The following SPG7 variants were observed in gnomAD, a reference collection of about 807,000 sequenced individuals.
SPG7 encodes the protein SPG7 matrix AAA peptidase subunit, paraplegin, also known as mitochondrial inner membrane m-AAA protease component paraplegin.
SPG7 carries 103 observed loss-of-function variants against 81.9 expected under a neutral mutation model. The observed-to-expected ratio is 1.26, with a 90% CI of 1.07 to 1.48. SPG7 has a LOEUF of 1.48. Among genes scored for constraint, SPG7 ranks in the 40% most tolerant of loss-of-function variants. SPG7 has a pLI of 0.00. For synonymous variants in SPG7, 534 were observed against 444.2 expected (o/e 1.20, Z -2.54); for missense variants, 1,241 against 1,087.3 (o/e 1.14, Z -1.99).
At chr16:89,515,720 T>G (rs1431733777) in intron 3 of SPG7, among the ~76,000 whole-genome samples, 3 of 149,964 alleles carry the variant, frequency 2.0e-5, no homozygotes. Context: ...TTATTATTTT[T>G]TTTTTTGAGA....
intron 4 of SPG7, among the ~76,000 whole-genome samples, chr16:89,525,324 T>C (rs1185170475): frequency 1.3e-5 from 2 of 152,232 alleles, no homozygotes; most frequent in Non-Finnish European, 2.9e-5. Flanking sequence ...CATGGCTAAG[T>C]GCAGAAGACG....
At chr16:89,556,381 T>C (rs2058687722) in intron 16 of SPG7, 1 of 288,082 alleles carries the variant, frequency 3.5e-6, no homozygotes, top group Non-Finnish European at 6.4e-6. Flanking sequence ...TGGCAGTGTT[T>C]TCTGTGGTCT....
In SPG7 at chr16:89,554,554, G is replaced by C. The variant is rs766914135; in HGVS notation, c.2172G>C (p.Lys724Asn). 2 of 1,608,546 alleles carry C rather than the reference G, an allele frequency of 1.2e-6. No homozygotes were observed. Among genetic ancestry groups the C allele is most frequent in the Non-Finnish European group, 1.7e-6 (2 of 1,179,528 alleles). Residue 724 changes from lysine to asparagine, a missense_variant, in exon 16 of 17, where the codon AAG becomes AAC. Transcript: ENST00000645818. ...TEKVLQDNLD[K>N]LQALANALLE... ...AGGTGCTGCAGGACAACCTGGACAA[G>C]TTGCAGGCGGTGAGGCCCTGGCCAG...
At position 89,548,002 on chromosome 16, in the gene SPG7, G is replaced by A. The variant is rs1248641465; in HGVS notation, c.1553-1G>A. ...CACACCGTGGCTGTTTGTGTTGACA[G>A]GGGCTGACATCGCCAACATCTGCAA... On this transcript the variant is annotated splice_acceptor_variant, in intron 11 of 16. Transcript: ENST00000645818. LOFTEE classifies it high-confidence loss of function. 6.2e-7 allele frequency: 1 copy of A among 1,612,052 alleles called. No individual in the cohort carries two copies. The highest frequency in any genetic ancestry group is 1.1e-5 in the South Asian group (1 of 91,074).
chr16:89,537,296 G>A (rs2058438538), intron 9 of SPG7: 4 of 1,300,736 alleles, frequency 3.1e-6, no homozygotes, highest in Admixed American at 3.4e-5. Flanking sequence ...CCCCCGGGAA[G>A]GGCGCAAGTC....
chr16:89,526,602 A>G, intron 5 of SPG7, 134 bp downstream of exon 5: 1 of 924,320 alleles, frequency 1.1e-6, no homozygotes, highest in Non-Finnish European at 1.8e-6. Flanking sequence ...AGGGTTAAAT[A>G]AATATAGAAG....
rs765598622 is a variant in SPG7, at chr16:89,556,986, C to T, written c.2281C>T (p.Gln761Ter). 1.9e-6 allele frequency: 3 copies of T among 1,613,928 alleles called. No homozygotes were observed. Among genetic ancestry groups the T allele is most frequent in the Non-Finnish European group, 2.5e-6 (3 of 1,179,940 alleles). Reference sequence around the variant, plus strand: ...TGGGCCGAAGAAAATGATCGCACCGCAGAGGTGGATCGACGCCCAGAGGGA... The same window carrying T: ...TGGGCCGAAGAAAATGATCGCACCGTAGAGGTGGATCGACGCCCAGAGGGA... The part of the protein sequence containing the change: ...PHGPKKMIAP[Q>*]RWIDAQREKQ... Residue 761 changes from glutamine to a stop codon, truncating the protein, a stop_gained, in exon 17 of 17, where the codon CAG becomes TAG. Coordinates refer to ENST00000645818, the MANE Select transcript of SPG7 (RefSeq NM_003119.4). LOFTEE classifies it low-confidence loss of function (END_TRUNC).
chr16:89,535,286 T>C (rs918635484), intron 9 of SPG7, among the ~76,000 whole-genome samples: 5 of 152,162 alleles, frequency 3.3e-5, no homozygotes, highest in Non-Finnish European at 7.3e-5. Flanking sequence ...CTGGCGCCCG[T>C]CTCTTCTGGG....
rs1050875817 is a variant in SPG7, at chr16:89,508,595, C to G, written c.178C>G (p.Leu60Val). The G allele has an allele frequency of 3.4e-6, 5 of 1,473,664 alleles. No homozygotes were observed. The highest frequency in any genetic ancestry group is 4.5e-6 in the Non-Finnish European group (5 of 1,117,588). The allele number at this position is 1,473,664 out of a possible 1,614,324, so 91.3% of individuals were successfully genotyped here. ...GDLAEAGGRA[L>V]QSLQLRLLTP... ...CCTCGCCGAGGCTGGAGGCCGAGCTCTGCAGGTAAATCCCCGCGGAGTCCG... is the reference window on the plus strand; with the variant it reads ...CCTCGCCGAGGCTGGAGGCCGAGCTGTGCAGGTAAATCCCCGCGGAGTCCG... Residue 60 changes from leucine to valine, a missense_variant, in exon 1 of 17, where the codon CTG (leucine) becomes GTG (valine). Leu to Val is a conservative substitution (Grantham distance 32). Coordinates refer to ENST00000645818, the MANE Select transcript of SPG7 (RefSeq NM_003119.4).
At position 89,554,043 on chromosome 16, in the gene SPG7, G is replaced by A. The variant is rs181261307; in HGVS notation, c.2103+83G>A. The stretch of plus-strand genomic sequence containing the variant: ...GGTCTACCACACAAGGGTCGCCCAC[G>A]GCCGCCCCAGCGGAGCTCAGCTGCA... On this transcript the variant is annotated intron_variant, in intron 15 of 16. Coordinates refer to ENST00000645818, the MANE Select transcript of SPG7 (RefSeq NM_003119.4). 1.4e-4 allele frequency: 209 copies of A among 1,497,496 alleles called. No homozygotes were observed. In the East Asian group the frequency reaches 4.1e-3, roughly 29 times the overall value. The allele number at this position is 1,497,496 out of a possible 1,614,324, so 92.8% of individuals were successfully genotyped here.
intron 16 of SPG7, chr16:89,556,364 G>T: frequency 3.2e-6 from 1 of 314,588 alleles, no homozygotes; most frequent in Non-Finnish European, 5.8e-6. Flanking sequence ...CCAGTGAAAT[G>T]TGGCTGTGGC....
At chr16:89,546,092 C>CTTT (rs891752792) in intron 10 of SPG7, 47 of 248,162 alleles carry the variant, frequency 1.9e-4, no homozygotes, top group South Asian at 2.8e-4. Flanking sequence ...AGAGCGTTCT[C>CTTT]TTTTTTTTTT....
chr16:89,512,843 AT>A (rs779271038), intron 2 of SPG7, 104 bp from the exon 3 acceptor site: 22 of 1,234,024 alleles, frequency 1.8e-5, no homozygotes, highest in Non-Finnish European at 2.6e-5. Flanking sequence ...GGTTTTTCAG[AT>A]GGTTTTTGTT....
At chr16:89,534,492 C>G (rs571187972) in intron 9 of SPG7, among the ~76,000 whole-genome samples, 79 of 152,332 alleles carry the variant, frequency 5.2e-4, no homozygotes, top group Middle Eastern at 6.8e-3. Flanking sequence ...TATTTTTAAT[C>G]AGAATTCTAG....
In SPG7 at chr16:89,553,408, T is replaced by C. The variant is rs561326071; in HGVS notation, c.1936+273T>C. 4.7e-5 allele frequency: 25 copies of C among 533,694 alleles called. No individual in the cohort carries two copies. In the South Asian group the frequency reaches 4.7e-4, roughly 10 times the overall value. 33.1% of individuals were successfully genotyped at this position (533,694 alleles called of 1,614,324 possible). ...AATGGCTACAGGAAACGGAATAAAA[T>C]TGAAGCGGCTTCATTGTTCTGAAGC... On this transcript the variant is annotated intron_variant, in intron 14 of 16. Transcript: ENST00000645818.
Position 89,548,101 on chromosome 16 carries a change from C to T in SPG7, c.1651C>T (p.Arg551Cys), listed in dbSNP as rs763854903. ...TCTCAACTTCGAGTACGCCGTGGAG[C>T]GCGTCCTCGCAGGTACAGGGGGCGC... ...HTLNFEYAVE[R>C]VLAGTAKKSK... is the part of the protein sequence containing the mutation. Residue 551 changes from arginine (R) to cysteine (C), a missense_variant, in exon 12 of 17, where the codon CGC (arginine) becomes TGC (cysteine). Physicochemically the swap from Arg to Cys is radical, Grantham distance 180. Transcript: ENST00000645818. 6.9e-6 allele frequency: 11 copies of T among 1,604,812 alleles called. No homozygotes were observed. In the Admixed American group the frequency reaches 1.0e-4, roughly 15 times the overall value.
At chr16:89,548,596 A>G in intron 12 of SPG7, 1 of 313,542 alleles carries the variant, frequency 3.2e-6, no homozygotes, top group Non-Finnish European at 6.3e-6. Flanking sequence ...CCTCTGGTGA[A>G]ACTCATGGTC....
At chr16:89,549,082 C>G (rs768158349) in intron 12 of SPG7, 1 of 456,338 alleles carries the variant, frequency 2.2e-6, no homozygotes, top group Non-Finnish European at 4.4e-6. Context: ...CTCCGACAGC[C>G]CTGCGGGTCG....
intron 1 of SPG7, chr16:89,509,060 C>T (rs2057975264): frequency 2.4e-6 from 1 of 424,288 alleles, no homozygotes; most frequent in Admixed American, 2.5e-5. Context: ...CTGCATTTTG[C>T]TGTTGTCATG....
Sources: allele counts gnomAD v4.1 joint callset (sites outside exome capture counted in the v4.1 genomes callset), GRCh38; gene constraint gnomAD v4.1.1; transcripts MANE v1.5; gene names NCBI Gene and HGNC (gene_info 2026-07-23, HGNC 2026-07-21).